NUF2: variants seen among roughly 807,000 people sequenced by gnomAD.
NUF2 encodes kinetochore protein Nuf2.
Under a neutral mutation model 61.8 loss-of-function variants are expected in NUF2, and 34 were observed. The ratio of observed to expected loss-of-function variants is 0.55; its 90% CI spans 0.42 to 0.73. The LOEUF (loss-of-function observed/expected upper bound fraction) is 0.73, where lower values mean the gene tolerates loss of function less well. NUF2 is among the 30% of genes least tolerant of loss of function. The probability of loss-of-function intolerance (pLI) is 0.00; values close to 1 mark genes in which losing one functional copy is unlikely to be tolerated. For synonymous variants in NUF2, 172 were observed against 181.6 expected (o/e 0.95, Z 0.42); for missense variants, 445 against 539.1 (o/e 0.83, Z 1.73).
chr1:163,331,721 GC>G (rs1360065420), intron 5 of NUF2, among the ~76,000 whole-genome samples: 1 of 151,912 alleles, frequency 6.6e-6, no homozygotes, highest in African/African-American at 2.4e-5. Context: ...TCCTGAGTGA[GC>G]TTTGGTGATT....
At chr1:163,327,098 T>TCACACACACA (rs752584850) in intron 2 of NUF2, among the ~76,000 whole-genome samples, 6 of 33,372 alleles carry the variant, frequency 1.8e-4, no homozygotes, top group Admixed American at 1.0e-3. Context: ...TTTCCTGTGT[T>TCACACACACA]CACACACACA....
intron 2 of NUF2, 36 bp downstream of exon 2, chr1:163,326,210 A>T (rs771506561): frequency 1.2e-6 from 2 of 1,600,602 alleles, no homozygotes; most frequent in Non-Finnish European, 1.7e-6. Context: ...GGATAATGGT[A>T]TTTAGGGAAA....
In NUF2 at chr1:163,347,786, T is replaced by G; in HGVS notation, c.972T>G (p.Ile324Met). The G allele has an allele frequency of 6.3e-7, 1 of 1,590,250 alleles. No homozygotes were observed. Among genetic ancestry groups the G allele is most frequent in the South Asian group, 1.2e-5 (1 of 85,700 alleles). ...AGAGCCTGAACTTGGAGGACCAAAT[T>G]GAGAGTGATGAGTCAGAACTGAAGA... ...LKESLNLEDQ[I>M]ESDESELKKL... The change falls in exon 12 of 14, where the codon ATT becomes ATG. Residue 324 changes from isoleucine to methionine, a missense_variant. Coordinates refer to ENST00000271452, the MANE Select transcript of NUF2 (RefSeq NM_145697.3).
rs147573846 is a variant in NUF2, at chr1:163,336,387, G to A, written c.338-364G>A. On this transcript the variant is annotated intron_variant, in intron 5 of 13. Transcript: ENST00000271452. Reference sequence around the variant, plus strand: ...CTGTAAACTCTTCAGTCATGGACTGGTGCAGTAATGGAATTCACCTCATTT... The same window carrying A: ...CTGTAAACTCTTCAGTCATGGACTGATGCAGTAATGGAATTCACCTCATTT... Among the ~76,000 whole-genome samples, 6 of 152,224 alleles carry A rather than the reference G, an allele frequency of 3.9e-5. No individual in the cohort carries two copies. In the East Asian group the frequency reaches 1.2e-3, roughly 29 times the overall value.
At chr1:163,333,295 T>C (rs1196937843) in intron 5 of NUF2, among the ~76,000 whole-genome samples, 3 of 152,158 alleles carry the variant, frequency 2.0e-5, no homozygotes, top group East Asian at 3.8e-4. Context: ...AACTTGTGCC[T>C]TTGGATTCAA....
intron 12 of NUF2, 106 bp downstream of exon 12, chr1:163,348,044 A>G (rs1399933960): frequency 6.6e-6 from 5 of 761,864 alleles, no homozygotes; most frequent in South Asian, 2.7e-5. Flanking sequence ...AAGAGTTTAA[A>G]CAGCTTTATC....
chr1:163,346,029 A>G (rs564085373), intron 11 of NUF2: 66 of 386,390 alleles, frequency 1.7e-4, no homozygotes, highest in African/African-American at 1.3e-3. Flanking sequence ...TGATGAAATT[A>G]ATAATAACTA....
At chr1:163,328,726 CACTGACCTTA>C (rs1650505420) in intron 4 of NUF2, 110 bp from the exon 5 acceptor site, 6 of 658,876 alleles carry the variant, frequency 9.1e-6, no homozygotes, top group Non-Finnish European at 1.6e-5. Context: ...TGGCTTCGTC[CACTGACCTTA>C]AGAAATATAT....
chr1:163,349,057 G>A lies in NUF2; in HGVS notation c.1237G>A (p.Glu413Lys). ...AATTCAACAACTAAAAGATGCTGCT[G>A]AAAGGGAGAAACTGAAGTCCCAGGT... ...LGIQQLKDAA[E>K]REKLKSQEIF... Residue 413 changes from glutamate (E) to lysine (K), a missense_variant, in exon 13 of 14, where the codon GAA (glutamate) becomes AAA (lysine). Glu to Lys is a moderately conservative substitution (Grantham distance 56). Transcript: ENST00000271452. 1 of 1,607,890 alleles carries A rather than the reference G, an allele frequency of 6.2e-7. No individual in the cohort carries two copies. Among genetic ancestry groups the A allele is most frequent in the Non-Finnish European group, 8.5e-7 (1 of 1,178,572 alleles).
chr1:163,328,432 A>T, intron 4 of NUF2, 128 bp downstream of exon 4: 1 of 563,326 alleles, frequency 1.8e-6, no homozygotes, highest in Non-Finnish European at 3.0e-6. Flanking sequence ...TCCCATATAC[A>T]TTCATTCAAA....
chr1:163,348,639 G>A, intron 12 of NUF2, among the ~76,000 whole-genome samples: 1 of 151,998 alleles, frequency 6.6e-6, no homozygotes, highest in East Asian at 1.9e-4. Context: ...TGTACAACTG[G>A]GGAAATGTAA....
At chr1:163,337,795 A>G (rs932031981) in intron 6 of NUF2, among the ~76,000 whole-genome samples, 1 of 152,130 alleles carries the variant, frequency 6.6e-6, no homozygotes, top group Non-Finnish European at 1.5e-5. Context: ...GTCAAGACCT[A>G]TAAGTTAGTC....
At chr1:163,353,023 A>T (rs1160858296) in intron 13 of NUF2, among the ~76,000 whole-genome samples, 3 of 152,066 alleles carry the variant, frequency 2.0e-5, no homozygotes, top group Admixed American at 6.5e-5. Flanking sequence ...AATAATCTGG[A>T]TGTGTGCTGT....
intron 11 of NUF2, among the ~76,000 whole-genome samples, chr1:163,347,261 T>C (rs990490025): frequency 1.3e-5 from 2 of 152,250 alleles, no homozygotes; most frequent in Non-Finnish European, 2.9e-5. Flanking sequence ...TCATCCAGGC[T>C]GCGCCTCCAG....
intron 5 of NUF2, among the ~76,000 whole-genome samples, chr1:163,335,627 C>T (rs534289299): frequency 2.0e-5 from 3 of 151,976 alleles, no homozygotes; most frequent in Non-Finnish European, 2.9e-5. Context: ...CCGCCATTTA[C>T]GTTTGTTCAC....
At chr1:163,353,173 T>C (rs1651379226) in intron 13 of NUF2, among the ~76,000 whole-genome samples, 4 of 152,232 alleles carry the variant, frequency 2.6e-5, no homozygotes, top group Admixed American at 1.3e-4. Flanking sequence ...TATATGTTCA[T>C]TTAGGAAAGA....
chr1:163,329,274 A>T (rs1557947392), intron 5 of NUF2, among the ~76,000 whole-genome samples: 2 of 152,206 alleles, frequency 1.3e-5, no homozygotes, highest in African/African-American at 4.8e-5. Flanking sequence ...ATCTTTTATC[A>T]TTAAAAGAAT....
rs939845237 is a variant in NUF2 at position 163,352,727 on chromosome 1, G to A, written c.1261-2608G>A. Among the ~76,000 whole-genome samples, 11 of 152,260 alleles carry A rather than the reference G, an allele frequency of 7.2e-5. No individual in the cohort carries two copies. In the East Asian group the frequency reaches 7.8e-4, roughly 11 times the overall value. ...TAAAAATACAAAAAATTAGCCGGGCGTGGTGGCGGGCGCCTGTAGTCCCAG... is the reference window on the plus strand; with the variant it reads ...TAAAAATACAAAAAATTAGCCGGGCATGGTGGCGGGCGCCTGTAGTCCCAG... On this transcript the variant is annotated intron_variant, in intron 13 of 13. Coordinates refer to ENST00000271452, the MANE Select transcript of NUF2 (RefSeq NM_145697.3).
chr1:163,330,183 C>T (rs1650549526), intron 5 of NUF2, among the ~76,000 whole-genome samples: 1 of 152,102 alleles, frequency 6.6e-6, no homozygotes, highest in South Asian at 2.1e-4. Context: ...CTAATGTAAA[C>T]TGAATTTGGG....
Sources: gnomAD v4.1 joint callset for allele counts (sites outside exome capture counted in the v4.1 genomes callset) on GRCh38, gnomAD v4.1.1 for gene constraint, MANE v1.5 for transcripts, NCBI Gene and HGNC (gene_info 2026-07-23, HGNC 2026-07-21) for gene names.